Variants in CAMSAP2 observed in about 807,000 individuals in gnomAD.
CAMSAP2 encodes calmodulin regulated spectrin associated protein family member 2.
In CAMSAP2, 26 loss-of-function variants were observed where a neutral mutation model predicts 146.1. That is an observed-to-expected ratio of 0.18 (90% CI 0.13 to 0.25). The LOEUF is 0.25. Among genes scored for constraint, CAMSAP2 ranks in the 10% least tolerant of loss-of-function variants. The probability of loss-of-function intolerance (pLI) is 1.00; values close to 1 mark genes in which losing one functional copy is unlikely to be tolerated. For missense variants in CAMSAP2, 1,381 were observed against 1,759.3 expected (o/e 0.78, Z 3.85); for synonymous variants, 499 against 596.6 (o/e 0.84, Z 2.38).
intron 1 of CAMSAP2, among the ~76,000 whole-genome samples, chr1:200,753,685 C>T (rs1664571568): frequency 6.6e-6 from 1 of 152,148 alleles, no homozygotes; most frequent in South Asian, 2.1e-4. Flanking sequence ...CTACTTCTGC[C>T]CTCTGGTGCA....
intron 4 of CAMSAP2, among the ~76,000 whole-genome samples, chr1:200,830,324 C>T (rs1237544390): frequency 1.3e-5 from 2 of 151,974 alleles, no homozygotes; most frequent in Non-Finnish European, 2.9e-5. Context: ...TGTGTGTGCA[C>T]GTGCACATAC....
At chr1:200,808,933 G>A (rs979783291) in intron 3 of CAMSAP2, among the ~76,000 whole-genome samples, 2 of 152,122 alleles carry the variant, frequency 1.3e-5, no homozygotes, top group African/African-American at 2.4e-5. Context: ...AGATGGTTTA[G>A]CTTAGTTACC....
chr1:200,810,567 C>T (rs1033243377), intron 3 of CAMSAP2, among the ~76,000 whole-genome samples: 2 of 147,296 alleles, frequency 1.4e-5, no homozygotes, highest in African/African-American at 5.0e-5. Flanking sequence ...CAGAGCGAGA[C>T]TCCATCTCAA....
At chr1:200,775,161 T>TA (rs1665237257) in intron 2 of CAMSAP2, among the ~76,000 whole-genome samples, 1 of 152,210 alleles carries the variant, frequency 6.6e-6, no homozygotes, top group Non-Finnish European at 1.5e-5. Flanking sequence ...AACTGAGACC[T>TA]AAATACCTGA....
In CAMSAP2 at chr1:200,856,088, A is replaced by G; in HGVS notation, c.3975A>G (p.Ser1325=). 1 of 1,613,848 alleles carries G rather than the reference A, an allele frequency of 6.2e-7. No individual in the cohort carries two copies. The highest frequency in any genetic ancestry group is 8.5e-7 in the Non-Finnish European group (1 of 1,179,716). ...GAGAAAAAGACTGGGAGAATGCATC[A>G]ACAACTTCTTCAGTGGCTTCTGGAA... ...RNGEKDWENA[S]TTSSVASGTE... The change falls in exon 15 of 17, where the codon TCA becomes TCG. Residue 1325 remains serine (S), a synonymous_variant. Transcript: ENST00000358823.
intron 4 of CAMSAP2, chr1:200,828,547 CT>C (rs1553290845): frequency 5.8e-6 from 9 of 1,549,086 alleles, no homozygotes; most frequent in South Asian, 2.4e-5. Flanking sequence ...TTGCTTTCCC[CT>C]TTTTTCCCGC....
At chr1:200,773,026 A>G (rs919719672) in intron 2 of CAMSAP2, among the ~76,000 whole-genome samples, 1 of 152,224 alleles carries the variant, frequency 6.6e-6, no homozygotes, top group Non-Finnish European at 1.5e-5. Flanking sequence ...GTATGAGGGA[A>G]GAAGTTGCTG....
intron 4 of CAMSAP2, among the ~76,000 whole-genome samples, chr1:200,825,104 C>T (rs1204463259): frequency 6.6e-6 from 1 of 152,014 alleles, no homozygotes; most frequent in African/African-American, 2.4e-5. Flanking sequence ...TCCCTCTGCC[C>T]CCGCCTTCAC....
chr1:200,775,208 G>C (rs1450953932), intron 2 of CAMSAP2, among the ~76,000 whole-genome samples: 1 of 152,182 alleles, frequency 6.6e-6, no homozygotes, highest in East Asian at 1.9e-4. Context: ...GAACATTCCA[G>C]GCAAAAGAAA....
intron 2 of CAMSAP2, among the ~76,000 whole-genome samples, chr1:200,802,141 T>G (rs985848745): frequency 6.6e-6 from 1 of 152,246 alleles, no homozygotes; most frequent in African/African-American, 2.4e-5. Context: ...TTTAGTTTAT[T>G]CTTGAATTGT....
intron 4 of CAMSAP2, among the ~76,000 whole-genome samples, chr1:200,816,723 CAT>C (rs1553288314): frequency 8.7e-5 from 4 of 45,910 alleles, no homozygotes; most frequent in South Asian, 6.4e-4. Context: ...TACACACGCA[CAT>C]ATATGTGTGT....
chr1:200,741,456 A>G (rs975593606), intron 1 of CAMSAP2, among the ~76,000 whole-genome samples: 1 of 152,252 alleles, frequency 6.6e-6, no homozygotes, highest in South Asian at 2.1e-4. Flanking sequence ...AGCACACTGA[A>G]GCCGGTATCT....
At chr1:200,823,849 G>T (rs374062475) in intron 4 of CAMSAP2, among the ~76,000 whole-genome samples, 3 of 152,188 alleles carry the variant, frequency 2.0e-5, no homozygotes, top group South Asian at 4.1e-4. Flanking sequence ...CTTCTGTAAG[G>T]AAGATTTGTG....
intron 2 of CAMSAP2, among the ~76,000 whole-genome samples, chr1:200,778,426 C>A (rs889231246): frequency 6.6e-6 from 1 of 152,028 alleles, no homozygotes; most frequent in Non-Finnish European, 1.5e-5. Flanking sequence ...GGAGTTTATA[C>A]GAGAATCTAA....
At chr1:200,756,188 G>A (rs1178853970) in intron 1 of CAMSAP2, among the ~76,000 whole-genome samples, 2 of 152,172 alleles carry the variant, frequency 1.3e-5, no homozygotes, top group East Asian at 3.9e-4. Flanking sequence ...CATGGTGGCT[G>A]GTGCCTGTAA....
intron 1 of CAMSAP2, among the ~76,000 whole-genome samples, chr1:200,745,596 T>A (rs980563047): frequency 3.9e-5 from 6 of 152,196 alleles, no homozygotes; most frequent in Non-Finnish European, 2.9e-5. Context: ...AGTCTAAGCC[T>A]TTGTGATACT....
chr1:200,759,622 T>G (rs943050356), intron 1 of CAMSAP2, among the ~76,000 whole-genome samples: 3 of 152,180 alleles, frequency 2.0e-5, no homozygotes. Context: ...GTGGCATTAT[T>G]GAGCTTATAT....
At chr1:200,828,683 A>T in intron 4 of CAMSAP2, 1 of 1,328,744 alleles carries the variant, frequency 7.5e-7, no homozygotes, top group African/African-American at 1.5e-5. Context: ...TTGCTGTTAA[A>T]GTCATTTCAT....
chr1:200,800,073 G>A (rs1665994911), intron 2 of CAMSAP2, among the ~76,000 whole-genome samples: 1 of 152,190 alleles, frequency 6.6e-6, no homozygotes, highest in Non-Finnish European at 1.5e-5. Flanking sequence ...TTGCTGAGGA[G>A]TGTTTTACTT....
Sources: gnomAD v4.1 joint callset for allele counts (sites outside exome capture counted in the v4.1 genomes callset) on GRCh38, gnomAD v4.1.1 for gene constraint, MANE v1.5 for transcripts, NCBI Gene and HGNC (gene_info 2026-07-23, HGNC 2026-07-21) for gene names.